SAMMSON: variants seen among roughly 807,000 people sequenced by gnomAD.
SAMMSON encodes long intergenic non-protein coding RNA 1212.
At chr3:70,241,570 A>AT (rs1575604715) in intron 4 of SAMMSON, among the ~76,000 whole-genome samples, 2 of 152,048 alleles carry the variant, frequency 1.3e-5, no homozygotes, top group South Asian at 4.1e-4. Context: ...TCTTGTTAGT[A>AT]TTTTTCTCAT....
intron 7 of SAMMSON, among the ~76,000 whole-genome samples, chr3:70,317,914 T>G (rs1702506579): frequency 6.6e-6 from 1 of 151,920 alleles, no homozygotes; most frequent in Non-Finnish European, 1.5e-5. Context: ...ATATTTATGC[T>G]GAATATAGAA....
At chr3:70,147,996 G>A (rs2067556140) in intron 4 of SAMMSON, among the ~76,000 whole-genome samples, 1 of 152,052 alleles carries the variant, frequency 6.6e-6, no homozygotes, top group African/African-American at 2.4e-5. Context: ...ATTTACCAAT[G>A]AGGATACACA....
At chr3:70,067,111 T>TA (rs144151713) in intron 3 of SAMMSON, among the ~76,000 whole-genome samples, 2,836 of 152,044 alleles carry the variant, frequency 0.019, 96 homozygotes, top group African/African-American at 0.063. Flanking sequence ...CAGGGAAACT[T>TA]AAAAGCAAAA....
intron 4 of SAMMSON, among the ~76,000 whole-genome samples, chr3:70,123,003 T>C (rs2067441405): frequency 6.6e-6 from 1 of 152,208 alleles, no homozygotes; most frequent in Admixed American, 6.5e-5. Context: ...TCTGGACTTC[T>C]AAATTACCTG....
At chr3:70,191,978 A>G (rs988401286) in intron 4 of SAMMSON, among the ~76,000 whole-genome samples, 6 of 142,762 alleles carry the variant, frequency 4.2e-5, no homozygotes. Context: ...TATTTTCTAT[A>G]TGATATTTTT....
intron 2 of SAMMSON, among the ~76,000 whole-genome samples, chr3:70,426,863 C>G (rs1420094526): frequency 2.6e-5 from 4 of 152,220 alleles, no homozygotes; most frequent in Non-Finnish European, 2.9e-5. Flanking sequence ...CTGGATCATA[C>G]AGAAGCGTGC....
At chr3:70,067,228 A>G in intron 3 of SAMMSON, among the ~76,000 whole-genome samples, 1 of 152,106 alleles carries the variant, frequency 6.6e-6, no homozygotes, top group East Asian at 1.9e-4. Flanking sequence ...GAAGAAAAAG[A>G]TAGATAGAAT....
intron 9 of SAMMSON, among the ~76,000 whole-genome samples, chr3:70,378,162 A>G (rs1303096224): frequency 6.6e-6 from 1 of 150,522 alleles, no homozygotes; most frequent in Admixed American, 6.6e-5. Context: ...TATATATATA[A>G]GTGTTTATTT....
intron 7 of SAMMSON, among the ~76,000 whole-genome samples, chr3:70,320,353 G>A (rs1522340): frequency 0.59 from 90,310 of 151,826 alleles, 27,368 homozygotes; most frequent in Non-Finnish European, 0.65. Flanking sequence ...AAAGCAAGGG[G>A]GGAATTATTT....
chr3:70,294,093 A>G (rs1702266733), intron 7 of SAMMSON, among the ~76,000 whole-genome samples: 1 of 152,026 alleles, frequency 6.6e-6, no homozygotes, highest in Admixed American at 6.6e-5. Context: ...TTTTAAGTTG[A>G]CTCATCTAAG....
chr3:70,422,694 A>T (rs1701322519), intron 2 of SAMMSON, among the ~76,000 whole-genome samples: 1 of 152,018 alleles, frequency 6.6e-6, no homozygotes, highest in Non-Finnish European at 1.5e-5. Context: ...TAAAACTGAA[A>T]CAATTTTTGA....
intron 4 of SAMMSON, among the ~76,000 whole-genome samples, chr3:70,208,993 C>T (rs919261106): frequency 6.6e-6 from 1 of 151,942 alleles, no homozygotes; most frequent in African/African-American, 2.4e-5. Flanking sequence ...TGGAATCAGC[C>T]CTACAGATGA....
At chr3:70,361,386 T>G (rs1456389246) in intron 9 of SAMMSON, among the ~76,000 whole-genome samples, 1 of 152,198 alleles carries the variant, frequency 6.6e-6, no homozygotes, top group Non-Finnish European at 1.5e-5. Context: ...ACTGAACCAC[T>G]ATGGAAAGGA....
At chr3:70,403,623 G>T (rs1701157944) in intron 2 of SAMMSON, among the ~76,000 whole-genome samples, 1 of 152,126 alleles carries the variant, frequency 6.6e-6, no homozygotes, top group Non-Finnish European at 1.5e-5. Flanking sequence ...TTTCACACTA[G>T]AGTGACAGAG....
chr3:70,035,980 T>G (rs59568939), intron 3 of SAMMSON, among the ~76,000 whole-genome samples: 1 of 152,138 alleles, frequency 6.6e-6, no homozygotes, highest in African/African-American at 2.4e-5. Flanking sequence ...TCAAAAATAG[T>G]ACCTGAAGAA....
At chr3:70,394,604 G>A (rs1349607812), downstream of SAMMSON, among the ~76,000 whole-genome samples, 1 of 152,130 alleles carries the variant, frequency 6.6e-6, no homozygotes, top group Non-Finnish European at 1.5e-5. Flanking sequence ...ACATGGATGG[G>A]TAATGGTTGT....
intron 7 of SAMMSON, among the ~76,000 whole-genome samples, chr3:70,349,384 T>A (rs965555076): frequency 2.2e-4 from 34 of 151,634 alleles, no homozygotes; most frequent in East Asian, 9.7e-4. Flanking sequence ...AAAAAAAAAA[T>A]AAAATAATGG....
chr3:70,430,398 G>C (rs1261441890), intron 2 of SAMMSON, among the ~76,000 whole-genome samples: 1 of 152,080 alleles, frequency 6.6e-6, no homozygotes, highest in Non-Finnish European at 1.5e-5. Context: ...GTTATGTAAT[G>C]AAAATTATAA....
At chr3:70,398,126 G>A (rs1023852876) in intron 2 of SAMMSON, among the ~76,000 whole-genome samples, 5 of 152,072 alleles carry the variant, frequency 3.3e-5, no homozygotes, top group Non-Finnish European at 7.4e-5. Context: ...CAACTTGGGA[G>A]AAAATTACAT....
Sources: gnomAD v4.1 joint callset for allele counts (sites outside exome capture counted in the v4.1 genomes callset) on GRCh38, gnomAD v4.1.1 for gene constraint, MANE v1.5 for transcripts, NCBI Gene and HGNC (gene_info 2026-07-23, HGNC 2026-07-21) for gene names.